Variants in TESC observed in about 807,000 individuals in gnomAD.
The protein encoded by TESC is tescalcin.
A neutral mutation model predicts 31.0 loss-of-function variants in TESC; 19 were observed. The observed-to-expected ratio is 0.61, with a 90% CI of 0.43 to 0.90. The LOEUF is 0.90. Ranked by LOEUF, TESC falls within the 40% of genes least tolerant of loss-of-function variation. The probability of loss-of-function intolerance (pLI) is 0.00; values close to 1 mark genes in which losing one functional copy is unlikely to be tolerated. For missense variants in TESC, 248 were observed against 303.8 expected, an observed-to-expected ratio of 0.82 and a Z score of 1.36; for synonymous variants, 109 against 114.8, an observed-to-expected ratio of 0.95 and a Z score of 0.32.
At chr12:117,053,841 C>T (rs1356151636) in intron 3 of TESC, 1 of 152,590 alleles carries the variant, frequency 6.6e-6, no homozygotes, top group East Asian at 1.9e-4. Context: ...GTGCCTCCAA[C>T]TCTAGGTGCC....
chr12:117,098,001 A>T (rs1282173739), intron 1 of TESC, among the ~76,000 whole-genome samples: 2 of 152,192 alleles, frequency 1.3e-5, no homozygotes, highest in South Asian at 4.1e-4. Context: ...ATACAGATAT[A>T]GACGTATAAG....
At chr12:117,071,429 G>C (rs543395352) in intron 2 of TESC, among the ~76,000 whole-genome samples, 1 of 148,680 alleles carries the variant, frequency 6.7e-6, no homozygotes, top group African/African-American at 2.4e-5. Context: ...CCCCCAGAAG[G>C]AGGCTGTGGG....
Position 117,099,311 on chromosome 12 carries a change from G to A in TESC, c.-29C>T. 1.4e-6 allele frequency: 2 copies of A among 1,421,196 alleles called. No homozygotes were observed. Among genetic ancestry groups the A allele is most frequent in the South Asian group, 1.4e-5 (1 of 70,188 alleles). 88.0% of individuals were successfully genotyped at this position (1,421,196 alleles called of 1,614,324 possible). On this transcript the variant is annotated 5_prime_UTR_variant, in exon 1 of 8. Coordinates refer to ENST00000335209, the MANE Select transcript of TESC (RefSeq NM_017899.4). ...GCCCGCGGCGGGGGCCCCGGGGCGCGCGTCCCTCTCAGGCCCCGCACTGGC... is the reference window on the plus strand; with the variant it reads ...GCCCGCGGCGGGGGCCCCGGGGCGCACGTCCCTCTCAGGCCCCGCACTGGC...
intron 2 of TESC, among the ~76,000 whole-genome samples, chr12:117,072,045 C>T (rs1954980961): frequency 6.6e-6 from 1 of 152,124 alleles, no homozygotes; most frequent in Admixed American, 6.5e-5. Flanking sequence ...TAGTACGTCC[C>T]ATTGTAAGCT....
intron 3 of TESC, among the ~76,000 whole-genome samples, chr12:117,052,560 T>A (rs1010158386): frequency 6.6e-6 from 1 of 152,076 alleles, no homozygotes; most frequent in African/African-American, 2.4e-5. Context: ...CACACCAGGT[T>A]TCTCTAAGAA....
chr12:117,051,247 CCTTTT>C (rs1306122552), intron 3 of TESC, among the ~76,000 whole-genome samples: 3 of 152,248 alleles, frequency 2.0e-5, no homozygotes, highest in Admixed American at 2.0e-4. Flanking sequence ...ATCTACTACT[CCTTTT>C]CAGCACCCAG....
At chr12:117,045,683 A>G (rs1450317529) in intron 6 of TESC, among the ~76,000 whole-genome samples, 1 of 152,176 alleles carries the variant, frequency 6.6e-6, no homozygotes, top group Non-Finnish European at 1.5e-5. Flanking sequence ...GGGCACAGAG[A>G]GCAGGATCCA....
intron 2 of TESC, among the ~76,000 whole-genome samples, chr12:117,068,448 G>GAA (rs1470767934): frequency 2.0e-5 from 3 of 152,202 alleles, no homozygotes; most frequent in Non-Finnish European, 4.4e-5. Context: ...ACAATTGCTT[G>GAA]AACCTGGGAC....
intron 3 of TESC, among the ~76,000 whole-genome samples, chr12:117,052,493 C>T (rs1370360814): frequency 6.6e-6 from 1 of 152,154 alleles, no homozygotes; most frequent in Admixed American, 6.5e-5. Flanking sequence ...TTTTTAAAAT[C>T]ATCCCCTCCC....
intron 2 of TESC, among the ~76,000 whole-genome samples, chr12:117,059,175 G>A (rs556579734): frequency 5.3e-5 from 8 of 152,362 alleles, no homozygotes; most frequent in African/African-American, 1.9e-4. Flanking sequence ...GAGAGGAGGA[G>A]GCAAAACAGA....
chr12:117,061,159 T>C (rs1245397668), intron 2 of TESC, among the ~76,000 whole-genome samples: 1 of 152,188 alleles, frequency 6.6e-6, no homozygotes, highest in Non-Finnish European at 1.5e-5. Flanking sequence ...CTCAGCACGG[T>C]GTCTGGTGAA....
intron 2 of TESC, among the ~76,000 whole-genome samples, chr12:117,063,021 C>G (rs1169178255): frequency 6.6e-6 from 1 of 152,218 alleles, no homozygotes; most frequent in Non-Finnish European, 1.5e-5. Flanking sequence ...GAGCTTGAGC[C>G]CTCGGGGCTT....
intron 1 of TESC, among the ~76,000 whole-genome samples, chr12:117,092,599 G>A (rs762945925): frequency 2.2e-4 from 34 of 152,124 alleles, no homozygotes; most frequent in Non-Finnish European, 4.6e-4. Context: ...GTCTCCCCCC[G>A]CCCCAGAGCT....
intron 2 of TESC, 112 bp from the exon 3 acceptor site, chr12:117,056,998 C>A: frequency 3.0e-6 from 3 of 991,444 alleles, no homozygotes; most frequent in Admixed American, 3.9e-5. Context: ...CAGGCCCCCA[C>A]AAGAATAGTT....
intron 3 of TESC, 138 bp from the exon 4 acceptor site, chr12:117,049,296 C>G: frequency 1.6e-6 from 2 of 1,264,066 alleles, no homozygotes; most frequent in South Asian, 1.4e-5. Flanking sequence ...GCGTCTGTGC[C>G]CCAAGAACCT....
intron 1 of TESC, among the ~76,000 whole-genome samples, chr12:117,092,166 T>C (rs917997385): frequency 6.6e-6 from 1 of 152,174 alleles, no homozygotes; most frequent in Non-Finnish European, 1.5e-5. Context: ...AGAGCAGCTG[T>C]CACCTCATTC....
At chr12:117,041,714 C>G (rs1954486343) in intron 7 of TESC, among the ~76,000 whole-genome samples, 1 of 152,196 alleles carries the variant, frequency 6.6e-6, no homozygotes, top group African/African-American at 2.4e-5. Context: ...CCCTTTTGTA[C>G]TGCTTACATT....
chr12:117,089,133 G>A (rs943079771), intron 1 of TESC, among the ~76,000 whole-genome samples: 2 of 152,196 alleles, frequency 1.3e-5, no homozygotes, highest in Admixed American at 1.3e-4. Flanking sequence ...AGACGGCAGG[G>A]GAAAGAGCAG....
chr12:117,048,225 G>A (rs1333819631), intron 4 of TESC, among the ~76,000 whole-genome samples: 1 of 152,228 alleles, frequency 6.6e-6, no homozygotes, highest in Non-Finnish European at 1.5e-5. Context: ...CAGGAAACCA[G>A]GGATTTGGAC....
Sources: gnomAD v4.1 joint callset for allele counts (sites outside exome capture counted in the v4.1 genomes callset) on GRCh38, gnomAD v4.1.1 for gene constraint, MANE v1.5 for transcripts, NCBI Gene and HGNC (gene_info 2026-07-23, HGNC 2026-07-21) for gene names.